Variants in IL1RAPL1 observed in about 807,000 individuals in gnomAD.
The protein encoded by IL1RAPL1 is interleukin 1 receptor accessory protein like 1, also known as interleukin-1 receptor accessory protein-like 1.
IL1RAPL1 carries 3 observed loss-of-function variants against 48.4 expected under a neutral mutation model. The ratio of observed to expected loss-of-function variants is 0.06; its 90% CI spans 0.03 to 0.16. IL1RAPL1 has a LOEUF of 0.16. IL1RAPL1 is among the 10% of genes least tolerant of loss of function. IL1RAPL1 has a pLI of 1.00. For synonymous variants in IL1RAPL1, 185 were observed against 187.7 expected (o/e 0.99, Z 0.12); for missense variants, 349 against 530.6 (o/e 0.66, Z 3.36).
intron 6 of IL1RAPL1, among the ~76,000 whole-genome samples, chrX:29,834,857 A>G (rs1601844890): frequency 9.0e-6 from 1 of 111,606 alleles, no homozygotes; most frequent in East Asian, 2.8e-4. Flanking sequence ...TGTATCAACA[A>G]TGTATATAAA....
chrX:29,455,806 C>A (rs1440521297), intron 5 of IL1RAPL1, among the ~76,000 whole-genome samples: 5 of 111,122 alleles, frequency 4.5e-5, no homozygotes, highest in African/African-American at 1.6e-4. Flanking sequence ...ATTTAATTTT[C>A]CATTTAAAAG....
At chrX:28,653,805 A>G (rs12851950) in intron 1 of IL1RAPL1, among the ~76,000 whole-genome samples, 3 of 111,992 alleles carry the variant, frequency 2.7e-5, no homozygotes, top group South Asian at 7.5e-4. Flanking sequence ...CTTGATGATC[A>G]CAACATTAAA....
chrX:29,861,768 A>G (rs1460502904), intron 6 of IL1RAPL1, among the ~76,000 whole-genome samples: 1 of 111,865 alleles, frequency 8.9e-6, no homozygotes, highest in Non-Finnish European at 1.9e-5. Flanking sequence ...CCCAAACCCT[A>G]AATTTAAAAA....
intron 2 of IL1RAPL1, among the ~76,000 whole-genome samples, chrX:29,230,523 A>AAAAAAAAAAAAAAAC (rs1931179968): frequency 1.1e-5 from 1 of 93,339 alleles, no homozygotes; most frequent in African/African-American, 4.2e-5. Context: ...AAAAAAAAAA[A>AAAAAAAAAAAAAAAC]AAAAAAAAAA....
chrX:29,451,838 T>G (rs1400984439), intron 5 of IL1RAPL1, among the ~76,000 whole-genome samples: 1 of 112,035 alleles, frequency 8.9e-6, no homozygotes, highest in African/African-American at 3.2e-5. Flanking sequence ...AAATTAATTT[T>G]AAAAATAGAG....
At chrX:29,122,052 T>A (rs1928797528) in intron 2 of IL1RAPL1, among the ~76,000 whole-genome samples, 2 of 111,585 alleles carry the variant, frequency 1.8e-5, no homozygotes, top group Non-Finnish European at 3.8e-5. Context: ...TATGTAATTA[T>A]TCTCTGAAAT....
At chrX:29,444,242 A>G (rs775544553) in intron 5 of IL1RAPL1, among the ~76,000 whole-genome samples, 1 of 109,064 alleles carries the variant, frequency 9.2e-6, no homozygotes, top group Non-Finnish European at 1.9e-5. Context: ...CTTGGGAGTC[A>G]GAGGTGAGAG....
chrX:29,273,716 A>G (rs762840868), intron 2 of IL1RAPL1, among the ~76,000 whole-genome samples: 1 of 110,942 alleles, frequency 9.0e-6, no homozygotes, highest in Non-Finnish European at 1.9e-5. Context: ...TTGCACCTGC[A>G]GTGGTGGGAG....
In IL1RAPL1 at chrX:29,171,007, T is replaced by G. The variant is rs989557252; in HGVS notation, c.83-111931T>G. Among the ~76,000 whole-genome samples the G allele has an allele frequency of 3.6e-5, 4 of 111,289 alleles. No homozygotes were observed. The Admixed American group carries it at 3.9e-4, about 11-fold the overall frequency. On this transcript the variant is annotated intron_variant, in intron 2 of 10. Coordinates refer to ENST00000378993, the MANE Select transcript of IL1RAPL1 (RefSeq NM_014271.4). ...CAGTGTTGTGGGATTTTGTTTTGTT[T>G]TGTTTTTGAGATGGAGTCTCACTCT...
At chrX:28,986,956 G>A (rs1203790878) in intron 2 of IL1RAPL1, among the ~76,000 whole-genome samples, 4 of 111,885 alleles carry the variant, frequency 3.6e-5, no homozygotes, top group Admixed American at 2.9e-4. Flanking sequence ...TTTCAGCTTG[G>A]AGACTTTATC....
chrX:29,884,216 C>T (rs775191439), intron 6 of IL1RAPL1, among the ~76,000 whole-genome samples: 1 of 111,831 alleles, frequency 8.9e-6, no homozygotes, highest in East Asian at 2.8e-4. Flanking sequence ...TTCCCTTTCA[C>T]CTTATTTTCT....
chrX:29,533,351 G>C (rs1259959956), intron 5 of IL1RAPL1, among the ~76,000 whole-genome samples: 1 of 111,924 alleles, frequency 8.9e-6, no homozygotes, highest in Non-Finnish European at 1.9e-5. Flanking sequence ...TTATATAAAT[G>C]GAATCATATA....
At chrX:29,528,220 T>C (rs915731204) in intron 5 of IL1RAPL1, among the ~76,000 whole-genome samples, 2 of 112,556 alleles carry the variant, frequency 1.8e-5, no homozygotes, top group African/African-American at 6.5e-5. Context: ...ATTGCAGCAT[T>C]ATTTGTAATT....
chrX:29,639,582 C>T (rs1925102597), intron 5 of IL1RAPL1, among the ~76,000 whole-genome samples: 1 of 93,697 alleles, frequency 1.1e-5, no homozygotes, highest in Non-Finnish European at 2.1e-5. Flanking sequence ...CCTGAATACA[C>T]AATCTGTGCA....
intron 2 of IL1RAPL1, among the ~76,000 whole-genome samples, chrX:28,929,829 T>C (rs1601963016): frequency 8.9e-6 from 1 of 112,635 alleles, no homozygotes; most frequent in African/African-American, 3.2e-5. Flanking sequence ...AGAGGACTTC[T>C]CACACCTTAA....
intron 5 of IL1RAPL1, among the ~76,000 whole-genome samples, chrX:29,658,840 C>T (rs1221374168): frequency 8.9e-6 from 1 of 111,794 alleles, no homozygotes; most frequent in Non-Finnish European, 1.9e-5. Context: ...CAATTCTTCT[C>T]TTCTAGCTAT....
chrX:29,340,242 A>G (rs1214441390), intron 3 of IL1RAPL1, among the ~76,000 whole-genome samples: 1 of 111,497 alleles, frequency 9.0e-6, no homozygotes, highest in Non-Finnish European at 1.9e-5. Context: ...GAACATTCAC[A>G]GCGCTGGGCA....
rs1569322320 is a variant in IL1RAPL1, at chrX:29,488,622, TATATAACTATGAGAGGTGGTGCAC to T, written c.703+89338_703+89361del. 3.6e-5 allele frequency among the ~76,000 whole-genome samples: 4 copies of T among 109,644 alleles called. No individual in the cohort carries two copies. The East Asian group carries it at 1.1e-3, about 31-fold the overall frequency. ...ATATGTAACTATGAGAGGTGGTGCA[TATATAACTATGAGAGGTGGTGCAC>T]ATATAACTATGAGAGGTGGTGCATA... On this transcript the variant is annotated intron_variant, in intron 5 of 10. Transcript: ENST00000378993.
chrX:29,014,785 A>G (rs944551073), intron 2 of IL1RAPL1, among the ~76,000 whole-genome samples: 1 of 112,125 alleles, frequency 8.9e-6, no homozygotes, highest in Non-Finnish European at 1.9e-5. Flanking sequence ...ATGTTAGCTC[A>G]TCTATGTAAA....
Sources: gnomAD v4.1 joint callset for allele counts (sites outside exome capture counted in the v4.1 genomes callset) on GRCh38, gnomAD v4.1.1 for gene constraint, MANE v1.5 for transcripts, NCBI Gene and HGNC (gene_info 2026-07-23, HGNC 2026-07-21) for gene names.